Variants in ACAP3 observed in about 807,000 individuals in gnomAD.
The protein encoded by ACAP3 is ArfGAP with coiled-coil, ankyrin repeat and PH domains 3, also known as arf-GAP with coiled-coil, ANK repeat and PH domain-containing protein 3.
Under a neutral mutation model 104.1 loss-of-function variants are expected in ACAP3, and 56 were observed. That is an observed-to-expected ratio of 0.54 (90% CI 0.43 to 0.67). The LOEUF is 0.67. Ranked by LOEUF, ACAP3 falls within the 30% of genes least tolerant of loss-of-function variation. ACAP3 has a pLI of 0.00. For synonymous variants in ACAP3, 628 were observed against 496.2 expected, an observed-to-expected ratio of 1.27 and a Z score of -3.53; for missense variants, 1,208 against 1,174.9, an observed-to-expected ratio of 1.03 and a Z score of -0.41.
intron 4 of ACAP3, 41 bp downstream of exon 4, chr1:1,302,881 G>A (rs755433358): frequency 2.5e-6 from 4 of 1,600,244 alleles, no homozygotes; most frequent in Admixed American, 1.7e-5. Flanking sequence ...CTCGGTTCCA[G>A]GCCAGGCACA....
chr1:1,298,956 CG>C, intron 10 of ACAP3: 1 of 551,090 alleles, frequency 1.8e-6, no homozygotes, highest in Non-Finnish European at 3.2e-6. Context: ...CAGCAGGCTG[CG>C]ATCAGGAAGG....
At position 1,295,607 on chromosome 1, in the gene ACAP3, G is replaced by A; in HGVS notation, c.1706-53C>T. On this transcript the variant is annotated intron_variant, in intron 18 of 23. Transcript: ENST00000354700. ...TGGAACAGGCCCGGGGTGGGGCAGG[G>A]AACCCCAGGTCACGCCGGGAGTCTG... is the stretch of plus-strand genomic sequence containing the variant. 4 of 1,588,668 alleles carry A rather than the reference G, an allele frequency of 2.5e-6. No homozygotes were observed. In the Admixed American group the frequency reaches 7.0e-5, roughly 28 times the overall value.
chr1:1,304,158 G>C lies in ACAP3; in HGVS notation c.48-15C>G. 1 of 1,550,354 alleles carries C rather than the reference G, an allele frequency of 6.5e-7. No individual in the cohort carries two copies. Among genetic ancestry groups the C allele is most frequent in the Non-Finnish European group, 8.7e-7 (1 of 1,146,822 alleles). On this transcript the variant is annotated splice_polypyrimidine_tract_variant and intron_variant, in intron 1 of 23. Coordinates refer to ENST00000354700, the MANE Select transcript of ACAP3 (RefSeq NM_030649.3). ...CAATGGTCGCCCTAAAGCAAGAACGGGGCTGGCTGGGGTCACCTGCAGCCT... is the reference window on the plus strand; with the variant it reads ...CAATGGTCGCCCTAAAGCAAGAACGCGGCTGGCTGGGGTCACCTGCAGCCT...
At chr1:1,299,191 G>A (rs996076172) in intron 10 of ACAP3, 154 bp downstream of exon 10, 48 of 1,027,574 alleles carry the variant, frequency 4.7e-5, no homozygotes, top group Middle Eastern at 4.3e-4. Flanking sequence ...AGGTCTGGCC[G>A]GAGCCAGCCC....
Position 1,304,234 on chromosome 1 carries a change from C to T in ACAP3, c.48-91G>A. 3 of 1,469,356 alleles carry T rather than the reference C, an allele frequency of 2.0e-6. No individual in the cohort carries two copies. In the South Asian group the frequency reaches 3.6e-5, roughly 18 times the overall value. The allele number at this position is 1,469,356 out of a possible 1,614,324, so 91.0% of individuals were successfully genotyped here. On this transcript the variant is annotated intron_variant, in intron 1 of 23. Transcript: ENST00000354700. ...CCCGCACCTCCCTGAGGGGCTCCAC[C>T]ATGGGAAGGGGCTTTCAGGAAACAG... is the stretch of plus-strand genomic sequence containing the variant.
At chr1:1,293,996 G>A (rs1162026421) in intron 22 of ACAP3, 63 bp from the exon 23 acceptor site, 101 of 1,466,180 alleles carry the variant, frequency 6.9e-5, no homozygotes, top group East Asian at 1.1e-4. Flanking sequence ...GTGGTCGCGG[G>A]GGCGTGGCCG....
intron 4 of ACAP3, among the ~76,000 whole-genome samples, chr1:1,302,653 A>AGCCTGGGACGAGAGCCCTGCCC (rs1553163724): frequency 6.6e-6 from 1 of 151,932 alleles, no homozygotes; most frequent in African/African-American, 2.4e-5. Flanking sequence ...CAGCCAGGCC[A>AGCCTGGGACGAGAGCCCTGCCC]GCCTGGGACG....
chr1:1,296,784 T>C (rs983875962), intron 14 of ACAP3, 151 bp from the exon 15 acceptor site: 1 of 792,158 alleles, frequency 1.3e-6, no homozygotes, highest in African/African-American at 1.7e-5. Flanking sequence ...CACCCTCACG[T>C]GGGCAGATGG....
rs756725359 is a variant in ACAP3 at position 1,293,584 on chromosome 1, G to A, written c.2485C>T (p.Leu829Phe). The change falls in exon 24 of 24, where the codon CTC (leucine) becomes TTC (phenylalanine). Residue 829 changes from leucine (L) to phenylalanine (F), a missense_variant. Leu to Phe is a conservative substitution (Grantham distance 22, BLOSUM62 0). Coordinates refer to ENST00000354700, the MANE Select transcript of ACAP3 (RefSeq NM_030649.3). ...FRRCIQEFISLHLEES is the reference protein window; with the variant it reads ...FRRCIQEFISFHLEES ...CGGCCCTAGCTCTCTTCCAGGTGGAGGCTGATGAACTCCTGGATACACCTG... is the reference window on the plus strand; with the variant it reads ...CGGCCCTAGCTCTCTTCCAGGTGGAAGCTGATGAACTCCTGGATACACCTG... 4.7e-6 allele frequency: 7 copies of A among 1,493,142 alleles called. No homozygotes were observed. The highest frequency in any genetic ancestry group is 1.5e-5 in the African/African-American group (1 of 68,394). 92.5% of individuals were successfully genotyped at this position (1,493,142 alleles called of 1,614,324 possible).
Position 1,303,668 on chromosome 1 carries a change from T to G in ACAP3, c.106-387A>C. 3.5e-6 allele frequency: 1 copy of G among 283,756 alleles called. No homozygotes were observed. The highest frequency in any genetic ancestry group is 6.2e-6 in the Non-Finnish European group (1 of 161,112). 17.6% of individuals were successfully genotyped at this position (283,756 alleles called of 1,614,324 possible). A position where few individuals can be genotyped will look rare whatever the true frequency, so the allele number is the denominator to read the frequency against. On this transcript the variant is annotated intron_variant, in intron 2 of 23. Transcript: ENST00000354700. The surrounding 1 kb of genome is among the most constrained non-coding windows in gnomAD (Gnocchi z 4.0). ...GGACACGGCTCCCCTCTCCACGGCC[T>G]GTTGCCCCCTCTTTCTCAGCCCATG...
chr1:1,300,769 TTGTG>T (rs1412659048), intron 5 of ACAP3, 77 bp from the exon 6 acceptor site: 5 of 1,497,486 alleles, frequency 3.3e-6, no homozygotes, highest in Admixed American at 4.6e-5. Flanking sequence ...ACATCGTTGT[TTGTG>T]TGTTTTTTGT....
chr1:1,297,966 G>T (rs761472077), intron 13 of ACAP3, 33 bp from the exon 14 acceptor site: 1 of 1,610,876 alleles, frequency 6.2e-7, no homozygotes, highest in Non-Finnish European at 8.5e-7. Flanking sequence ...CGTCAGCTCC[G>T]GTGGGCAGGT....
chr1:1,303,117 C>A lies in ACAP3; in HGVS notation c.225+45G>T. On this transcript the variant is annotated intron_variant, in intron 3 of 23. Transcript: ENST00000354700. This position sits in a 1 kb window ranked among gnomAD's most constrained non-coding sequence, Gnocchi z 4.0. ...CTCAAGGGGCTGCCTCCCTCGGCCTCTCCCCCAACCCCACCTTGAGGTCAG... is the reference window on the plus strand; with the variant it reads ...CTCAAGGGGCTGCCTCCCTCGGCCTATCCCCCAACCCCACCTTGAGGTCAG... 1.3e-6 allele frequency: 2 copies of A among 1,566,500 alleles called. No individual in the cohort carries two copies. The highest frequency in any genetic ancestry group is 1.7e-6 in the Non-Finnish European group (2 of 1,155,916).
Position 1,294,492 on chromosome 1 carries a change from C to G in ACAP3, c.2049G>C (p.Ala683=), listed in dbSNP as rs1174631596. The part of the protein sequence containing the change: ...HRAARARDLP[A]LAAALAHGAE... Reference sequence around the variant, plus strand: ...CCCCGTGGGCCAGCGCCGCCGCCAGCGCAGGAAGGTCGCGGGCACGCGCTG... The same window carrying G: ...CCCCGTGGGCCAGCGCCGCCGCCAGGGCAGGAAGGTCGCGGGCACGCGCTG... The change falls in exon 21 of 24, where the codon GCG becomes GCC. Residue 683 remains alanine, a synonymous_variant. Coordinates refer to ENST00000354700, the MANE Select transcript of ACAP3 (RefSeq NM_030649.3). The G allele has an allele frequency of 6.5e-7, 1 of 1,542,636 alleles. No homozygotes were observed. Among genetic ancestry groups the G allele is most frequent in the African/African-American group, 1.4e-5 (1 of 71,494 alleles).
At chr1:1,299,220 G>A (rs1289053584) in intron 10 of ACAP3, 125 bp downstream of exon 10, 7 of 1,268,712 alleles carry the variant, frequency 5.5e-6, no homozygotes, top group Middle Eastern at 3.7e-4. Flanking sequence ...CGCATCAGCA[G>A]CAGGAGCCGA....
chr1:1,298,254 C>T (rs950993389), intron 12 of ACAP3, 116 bp downstream of exon 12: 29 of 1,579,942 alleles, frequency 1.8e-5, no homozygotes, highest in Middle Eastern at 1.8e-4. Context: ...CTGACTGTTC[C>T]GGCTCCGGCG....
At position 1,292,898 on chromosome 1, in the gene ACAP3, A is replaced by G. The variant is rs1640902826; in HGVS notation, c.*666T>C. 1 of 152,302 alleles carries G rather than the reference A, an allele frequency of 6.6e-6. No individual in the cohort carries two copies. The highest frequency in any genetic ancestry group is 1.5e-5 in the Non-Finnish European group (1 of 68,074). 9.4% of individuals were successfully genotyped at this position (152,302 alleles called of 1,614,324 possible). A position where few individuals can be genotyped will look rare whatever the true frequency, so the allele number is the denominator to read the frequency against. ...AAAGTGGCAAAGTGGCTTTATGCGC[A>G]GGCTCTGGGCCGAGTACCAGGAGAA... On this transcript the variant is annotated 3_prime_UTR_variant, in exon 24 of 24. Coordinates refer to ENST00000354700, the MANE Select transcript of ACAP3 (RefSeq NM_030649.3).
In ACAP3 at chr1:1,295,763, G is replaced by A; in HGVS notation, c.1678C>T (p.Leu560=). ...ARRKVRLEPV[L]PCVAALSSVG... is the part of the protein sequence containing the mutation. The stretch of plus-strand genomic sequence containing the variant: ...GAGGACAGAGCGGCCACACAGGGCA[G>A]AACGGGCTCAAGCCGGACCTTGCGG... The change falls in exon 18 of 24, where the codon CTG becomes TTG. Residue 560 remains leucine (L), a synonymous_variant. Coordinates refer to ENST00000354700, the MANE Select transcript of ACAP3 (RefSeq NM_030649.3). 6 of 1,607,106 alleles carry A rather than the reference G, an allele frequency of 3.7e-6. No homozygotes were observed. Among genetic ancestry groups the A allele is most frequent in the Non-Finnish European group, 5.1e-6 (6 of 1,179,290 alleles).
In ACAP3 at chr1:1,293,664, G is replaced by C. The variant is rs1476518625; in HGVS notation, c.2405C>G (p.Ala802Gly). 6.8e-7 allele frequency: 1 copy of C among 1,465,354 alleles called. No homozygotes were observed. Among genetic ancestry groups the C allele is most frequent in the East Asian group, 2.9e-5 (1 of 34,762 alleles). 90.8% of individuals were successfully genotyped at this position (1,465,354 alleles called of 1,614,324 possible). ...CAGGGCGCCCGGGGGACCAGGGGCAGCCTCGGCCTCGCGCATTTCCTCCGC... is the reference window on the plus strand; with the variant it reads ...CAGGGCGCCCGGGGGACCAGGGGCACCCTCGGCCTCGCGCATTTCCTCCGC... The part of the protein sequence containing the change: ...RMAEEMREAE[A>G]APGPPGALAG... The change falls in exon 24 of 24, where the codon GCT (alanine) becomes GGT (glycine). Residue 802 changes from alanine (A) to glycine (G), a missense_variant. By Grantham distance (60) the Ala-to-Gly change is moderately conservative. Transcript: ENST00000354700.
Sources: allele counts gnomAD v4.1 joint callset (sites outside exome capture counted in the v4.1 genomes callset), GRCh38; gene constraint gnomAD v4.1.1; non-coding constraint Gnocchi (gnomAD v3.1); transcripts MANE v1.5; gene names NCBI Gene and HGNC (gene_info 2026-07-23, HGNC 2026-07-21).